KCNQ1: variants seen among roughly 807,000 people sequenced by gnomAD.
The protein encoded by KCNQ1 is potassium voltage-gated channel subfamily KQT member 1.
Under a neutral mutation model 72.4 loss-of-function variants are expected in KCNQ1, and 49 were observed. That is an observed-to-expected ratio of 0.68 (90% confidence interval 0.54 to 0.86). The LOEUF (loss-of-function observed/expected upper bound fraction) is 0.86, where lower values mean the gene tolerates loss of function less well. KCNQ1 is among the 40% of genes least tolerant of loss of function. KCNQ1 has a pLI of 0.00. For synonymous variants in KCNQ1, 450 were observed against 412.6 expected (o/e 1.09, Z -1.10); for missense variants, 790 against 945.1 (o/e 0.84, Z 2.15).
chr11:2,680,037 A>G (rs1230673846), intron 11 of KCNQ1: 2 of 395,586 alleles, frequency 5.1e-6, no homozygotes, highest in East Asian at 3.6e-5. Flanking sequence ...GGGACTACAG[A>G]CATCTGCCAC....
rs1846221028 is a variant in KCNQ1 at position 2,457,995 on chromosome 11, T to C, written c.386+12511T>C. On this transcript the variant is annotated intron_variant, in intron 1 of 15. Transcript: ENST00000155840. This position sits in a 1 kb window ranked among gnomAD's most constrained non-coding sequence, Gnocchi z 5.0. ...AAGAGCATCTCTAGACCCCAGACTG[T>C]GGCCTCTAGGTACCATTTCCCCCTG... 1.3e-5 allele frequency among the ~76,000 whole-genome samples: 2 copies of C among 152,100 alleles called. No homozygotes were observed. The highest frequency in any genetic ancestry group is 1.3e-4 in the Admixed American group (2 of 15,268).
At chr11:2,834,826 G>C (rs561731714) in intron 15 of KCNQ1, among the ~76,000 whole-genome samples, 2 of 152,236 alleles carry the variant, frequency 1.3e-5, no homozygotes, top group African/African-American at 4.8e-5. Context: ...TGCAGGTTCC[G>C]GGGCAAGAAT....
At chr11:2,630,631 T>A in intron 10 of KCNQ1, 1 of 398,384 alleles carries the variant, frequency 2.5e-6, no homozygotes, top group Non-Finnish European at 4.4e-6. Context: ...ACCATTACAC[T>A]ATTAGAGTAT....
rs1847501886 is a variant in KCNQ1, at chr11:2,526,209, CACTG to C, written c.387-1714_387-1711del. On this transcript the variant is annotated intron_variant, in intron 1 of 15. Transcript: ENST00000155840. The surrounding 1 kb of genome is among the most constrained non-coding windows in gnomAD (Gnocchi z 6.1). ...ATACTGGGGCACGACATGGAGGGTTCACTGACTGGCTGGGTGTGTGGGCTGGGGG... is the reference window on the plus strand; with the variant it reads ...ATACTGGGGCACGACATGGAGGGTTCACTGGCTGGGTGTGTGGGCTGGGGG... Among the ~76,000 whole-genome samples, 1 of 152,046 alleles carries C rather than the reference CACTG, an allele frequency of 6.6e-6. No homozygotes were observed. The highest frequency in any genetic ancestry group is 2.4e-5 in the African/African-American group (1 of 41,394).
chr11:2,568,290 TAAATA>T (rs1848275626), intron 2 of KCNQ1, among the ~76,000 whole-genome samples: 1 of 151,476 alleles, frequency 6.6e-6, no homozygotes, highest in Non-Finnish European at 1.5e-5. Context: ...AATAAATAAA[TAAATA>T]AATAAATAAA....
intron 2 of KCNQ1, among the ~76,000 whole-genome samples, chr11:2,558,797 G>C (rs920576640): frequency 1.3e-5 from 2 of 152,158 alleles, no homozygotes; most frequent in Non-Finnish European, 2.9e-5. Flanking sequence ...CTCCATGGGT[G>C]GGCAGCCTTC....
chr11:2,631,220 A>G (rs1849347535), intron 10 of KCNQ1: 1 of 398,518 alleles, frequency 2.5e-6, no homozygotes, highest in Admixed American at 4.4e-5. Context: ...TCCTGTGTGA[A>G]CATTAACTCT....
At chr11:2,777,522 G>A (rs908191249) in intron 14 of KCNQ1, 7 of 536,010 alleles carry the variant, frequency 1.3e-5, no homozygotes, top group East Asian at 5.9e-5. Context: ...GAGTCATTCC[G>A]GGGAATGACA....
rs373907052 is a variant in KCNQ1 at position 2,732,504 on chromosome 11, G to A, written c.1515-36340G>A. On this transcript the variant is annotated intron_variant, in intron 11 of 15. Coordinates refer to ENST00000155840, the MANE Select transcript of KCNQ1 (RefSeq NM_000218.3). ...ACCTTGCCTGGTACCTTCTCTCCCC[G>A]TGCCAAGGCCTGGAGGTGATGTGGA... Among the ~76,000 whole-genome samples, 18 of 152,254 alleles carry A rather than the reference G, an allele frequency of 1.2e-4. No individual in the cohort carries two copies. In the South Asian group the frequency reaches 2.7e-3, roughly 23 times the overall value.
At position 2,626,437 on chromosome 11, in the gene KCNQ1, G is replaced by A. The variant is rs999109591; in HGVS notation, c.1394-35524G>A. The A allele has an allele frequency of 5.0e-6, 2 of 398,470 alleles. No individual in the cohort carries two copies. Among genetic ancestry groups the A allele is most frequent in the African/African-American group, 2.1e-5 (1 of 48,614 alleles). The allele number at this position is 398,470 out of a possible 1,614,324, so 24.7% of individuals were successfully genotyped here. A position where few individuals can be genotyped will look rare whatever the true frequency, so the allele number is the denominator to read the frequency against. On this transcript the variant is annotated intron_variant, in intron 10 of 15. Transcript: ENST00000155840. This position sits in a 1 kb window ranked among gnomAD's most constrained non-coding sequence, Gnocchi z 4.0. ...GAATCATTTGATCATGTATACAAGG[G>A]TTTATTTTTGGGCTCTCTATTCAAT...
intron 1 of KCNQ1, among the ~76,000 whole-genome samples, chr11:2,506,139 G>T (rs1847101211): frequency 6.6e-6 from 1 of 152,144 alleles, no homozygotes; most frequent in African/African-American, 2.4e-5. Context: ...TCGTATTCAA[G>T]AAATCATCCT....
intron 2 of KCNQ1, among the ~76,000 whole-genome samples, chr11:2,535,177 C>T (rs1847709034): frequency 6.6e-6 from 1 of 152,238 alleles, no homozygotes; most frequent in Admixed American, 6.5e-5. Flanking sequence ...CTCTCGGAGC[C>T]TGTTCAGGGT....
Position 2,564,193 on chromosome 11 carries a change from G to A in KCNQ1, c.478-6435G>A, listed in dbSNP as rs1848214513. Among the ~76,000 whole-genome samples the A allele has an allele frequency of 6.6e-6, 1 of 152,226 alleles. No individual in the cohort carries two copies. The highest frequency in any genetic ancestry group is 2.4e-5 in the African/African-American group (1 of 41,454). ...TTTAGTATGTTCACAAGGCGGTTCA[G>A]CCAACACCTGTCTCCGGTTCCAGAG... is the stretch of plus-strand genomic sequence containing the variant. On this transcript the variant is annotated intron_variant, in intron 2 of 15. Transcript: ENST00000155840. This position sits in a 1 kb window ranked among gnomAD's most constrained non-coding sequence, Gnocchi z 4.5.
At chr11:2,622,680 C>G (rs184738543) in intron 10 of KCNQ1, 20 of 398,494 alleles carry the variant, frequency 5.0e-5, no homozygotes, top group African/African-American at 3.3e-4. Context: ...TTATGATTCT[C>G]TATTCGATTG....
At chr11:2,518,466 G>A (rs536204255) in intron 1 of KCNQ1, among the ~76,000 whole-genome samples, 2 of 152,322 alleles carry the variant, frequency 1.3e-5, no homozygotes, top group Admixed American at 6.5e-5. Flanking sequence ...CTGGGGAGGT[G>A]CTGCAGGCAC....
intron 10 of KCNQ1, among the ~76,000 whole-genome samples, chr11:2,591,159 C>G (rs1200365474): frequency 2.0e-5 from 3 of 152,240 alleles, no homozygotes; most frequent in African/African-American, 7.2e-5. Flanking sequence ...CCACAGTGTT[C>G]GCAACCCTTT....
chr11:2,792,812 A>G (rs1251711722), intron 15 of KCNQ1, among the ~76,000 whole-genome samples: 2 of 152,176 alleles, frequency 1.3e-5, no homozygotes, highest in Non-Finnish European at 2.9e-5. Context: ...CTTTGGCAGC[A>G]TTGTTCTTGC....
rs1422428577 is a variant in KCNQ1, at chr11:2,669,019, C to T, written c.1514+6938C>T. The T allele has an allele frequency of 2.5e-6, 1 of 398,562 alleles. No individual in the cohort carries two copies. The highest frequency in any genetic ancestry group is 4.4e-6 in the Non-Finnish European group (1 of 226,112). 24.7% of individuals were successfully genotyped at this position (398,562 alleles called of 1,614,324 possible). A position where few individuals can be genotyped will look rare whatever the true frequency, so the allele number is the denominator to read the frequency against. ...GTCCACTCTTCCCCTACTTGGATAT[C>T]CAGTCTAGCTCAGCACCCGGCATGG... On this transcript the variant is annotated intron_variant, in intron 11 of 15. Transcript: ENST00000155840. This position sits in a 1 kb window ranked among gnomAD's most constrained non-coding sequence, Gnocchi z 5.6.
At chr11:2,619,462 CACATTGATT>C (rs1849127395) in intron 10 of KCNQ1, 7 of 398,430 alleles carry the variant, frequency 1.8e-5, no homozygotes, top group Non-Finnish European at 3.1e-5. Context: ...CTGTTAGTAT[CACATTGATT>C]GCTACATGTA....
Sources: gnomAD v4.1 joint callset for allele counts (sites outside exome capture counted in the v4.1 genomes callset) on GRCh38, gnomAD v4.1.1 for gene constraint, Gnocchi (gnomAD v3.1) non-coding constraint, MANE v1.5 for transcripts, NCBI Gene and HGNC (gene_info 2026-07-23, HGNC 2026-07-21) for gene names.